PRKDC: variants seen among roughly 807,000 people sequenced by gnomAD.
The protein encoded by PRKDC is DNA-dependent protein kinase catalytic subunit.
PRKDC carries 82 observed loss-of-function variants against 486.9 expected under a neutral mutation model. The ratio of observed to expected loss-of-function variants is 0.17; its 90% CI spans 0.14 to 0.20. The LOEUF (loss-of-function observed/expected upper bound fraction) is 0.20, where lower values mean the gene tolerates loss of function less well. PRKDC is among the 10% of genes least tolerant of loss of function. PRKDC has a pLI of 1.00. For missense variants in PRKDC, 4,504 were observed against 5,038.2 expected (o/e 0.89, Z 3.21); for synonymous variants, 1,895 against 1,837.0 (o/e 1.03, Z -0.81).
At chr8:47,898,238 T>C (rs756114424) in intron 29 of PRKDC, among the ~76,000 whole-genome samples, 14 of 152,248 alleles carry the variant, frequency 9.2e-5, no homozygotes, top group Admixed American at 1.3e-4. Flanking sequence ...TCAATTTGTA[T>C]GTACTATCTC....
At position 47,828,348 on chromosome 8, in the gene PRKDC, CTG is replaced by C. The variant is rs2087784982; in HGVS notation, c.8398-3_8398-2del. The stretch of plus-strand genomic sequence containing the variant: ...GCTGTTTTGCAATTATTGGGTCCCT[CTG>C]TAAAAAATTCAAAACAAAGACAAAT... On this transcript the variant is annotated splice_acceptor_variant and splice_polypyrimidine_tract_variant and intron_variant, in intron 61 of 85. Coordinates refer to ENST00000314191, the MANE Select transcript of PRKDC (RefSeq NM_006904.7). LOFTEE classifies it high-confidence loss of function. The C allele has an allele frequency of 1.3e-6, 2 of 1,543,834 alleles. No individual in the cohort carries two copies. Among genetic ancestry groups the C allele is most frequent in the African/African-American group, 1.4e-5 (1 of 71,960 alleles).
chr8:47,803,493 A>G lies in PRKDC; in HGVS notation c.9748-13T>C. ...GTGAGAAATTGTTCTGTATGAATAC[A>G]ATAAAAAGAGAGAAGGTGGTATGAT... On this transcript the variant is annotated splice_polypyrimidine_tract_variant and intron_variant, in intron 69 of 85. Coordinates refer to ENST00000314191, the MANE Select transcript of PRKDC (RefSeq NM_006904.7). 1 of 1,613,084 alleles carries G rather than the reference A, an allele frequency of 6.2e-7. No homozygotes were observed. Among genetic ancestry groups the G allele is most frequent in the African/African-American group, 1.3e-5 (1 of 75,042 alleles).
At position 47,886,091 on chromosome 8, in the gene PRKDC, C is replaced by T. The variant is rs1266869627; in HGVS notation, c.4629G>A (p.Leu1543=). The part of the protein sequence containing the change: ...LNPAVLSTAS[L]GSSQGSVIHF... ...GGATGACGCTGCCCTGTGAGCTGCC[C>T]AAGGACGCCGTGGACAGCACCGCTG... is the stretch of plus-strand genomic sequence containing the variant. The change falls in exon 36 of 86, where the codon TTG becomes TTA. Residue 1543 remains leucine (L), a synonymous_variant. Transcript: ENST00000314191. 18 of 1,613,536 alleles carry T rather than the reference C, an allele frequency of 1.1e-5. No homozygotes were observed. The highest frequency in any genetic ancestry group is 1.5e-5 in the Non-Finnish European group (18 of 1,179,876).
In PRKDC at chr8:47,921,767, A is replaced by T. The variant is rs190739541; in HGVS notation, c.2420-3384T>A. Among the ~76,000 whole-genome samples, 6 of 152,286 alleles carry T rather than the reference A, an allele frequency of 3.9e-5. No homozygotes were observed. The East Asian group carries it at 1.2e-3, about 29-fold the overall frequency. ...GGCTATATTAGAAGAATAGTACAGA[A>T]ATACAATTGCATGCATGCTTTTGAT... is the stretch of plus-strand genomic sequence containing the variant. On this transcript the variant is annotated intron_variant, in intron 21 of 85. Transcript: ENST00000314191.
chr8:47,803,182 C>G, intron 70 of PRKDC, 124 bp downstream of exon 70: 1 of 959,520 alleles, frequency 1.0e-6, no homozygotes, highest in Non-Finnish European at 1.5e-6. Context: ...TGCTATATTC[C>G]CTGAAATTAC....
At position 47,899,983 on chromosome 8, in the gene PRKDC, C is replaced by T. The variant is rs145956874; in HGVS notation, c.3364+390G>A. The stretch of plus-strand genomic sequence containing the variant: ...CCACTTTCTACTTTCTAAATGATCA[C>T]GAGTGAGTGCAGAGGCACTGACCAC... On this transcript the variant is annotated intron_variant, in intron 28 of 85. Transcript: ENST00000314191. Among the ~76,000 whole-genome samples, 28 of 152,302 alleles carry T rather than the reference C, an allele frequency of 1.8e-4. 3 individuals are homozygous for T. Among genetic ancestry groups the T allele is most frequent in the African/African-American group, 6.5e-4 (27 of 41,578 alleles).
In PRKDC at chr8:47,900,474, A is replaced by G. The variant is rs1313592173; in HGVS notation, c.3270-7T>C. The stretch of plus-strand genomic sequence containing the variant: ...CACCAGAGACTCTTCTTCCCTGTAA[A>G]ATAAAGAATAGGAAACCTCACCTAA... On this transcript the variant is annotated splice_region_variant and splice_polypyrimidine_tract_variant and intron_variant, in intron 27 of 85. Transcript: ENST00000314191. 6.3e-7 allele frequency: 1 copy of G among 1,594,438 alleles called. No individual in the cohort carries two copies. The highest frequency in any genetic ancestry group is 1.1e-5 in the South Asian group (1 of 87,844).
In PRKDC at chr8:47,778,607, G is replaced by C. The variant is rs2086646574; in HGVS notation, c.11705C>G (p.Ser3902Cys). The C allele has an allele frequency of 2.5e-6, 4 of 1,613,676 alleles. No individual in the cohort carries two copies. Among genetic ancestry groups the C allele is most frequent in the Non-Finnish European group, 3.4e-6 (4 of 1,179,806 alleles). Residue 3902 changes from serine (S) to cysteine (C), a missense_variant, in exon 83 of 86, where the codon TCC (serine) becomes TGC (cysteine). Coordinates refer to ENST00000314191, the MANE Select transcript of PRKDC (RefSeq NM_006904.7). ...TSPEAFLALR[S>C]HFASSHALIC... ...CAGAGCGTGAGAGCTGGCGAAGTGG[G>C]AGCGGAGCGCCAGGAAAGCCTCAGG...
intron 4 of PRKDC, among the ~76,000 whole-genome samples, chr8:47,954,997 T>C (rs1377237580): frequency 6.6e-6 from 1 of 150,592 alleles, no homozygotes; most frequent in Admixed American, 6.6e-5. Context: ...CTACTAAAAA[T>C]ACAAAAATTA....
At chr8:47,927,988 C>T in intron 19 of PRKDC, 98 bp from the exon 20 acceptor site, 1 of 1,156,968 alleles carries the variant, frequency 8.6e-7, no homozygotes, top group Non-Finnish European at 1.1e-6. Context: ...CAAAAATTGG[C>T]ACGTAGCCTT....
At chr8:47,905,076 T>G (rs1589781412) in intron 25 of PRKDC, 100 bp from the exon 26 acceptor site, 2 of 813,198 alleles carry the variant, frequency 2.5e-6, no homozygotes, top group East Asian at 5.1e-5. Context: ...TAAAATTAAG[T>G]AATACTACTA....
chr8:47,813,109 T>A (rs2087369719), intron 68 of PRKDC, among the ~76,000 whole-genome samples: 1 of 147,466 alleles, frequency 6.8e-6, no homozygotes, highest in Non-Finnish European at 1.5e-5. Context: ...ATTTATTTAT[T>A]TATTTATTTA....
At chr8:47,904,374 C>A (rs1471234229) in intron 26 of PRKDC, among the ~76,000 whole-genome samples, 1 of 152,206 alleles carries the variant, frequency 6.6e-6, no homozygotes, top group Non-Finnish European at 1.5e-5. Flanking sequence ...CATGCCTAAG[C>A]CACCTGGCGA....
chr8:47,910,735 GT>G (rs1338053752), intron 25 of PRKDC, among the ~76,000 whole-genome samples: 1 of 151,920 alleles, frequency 6.6e-6, no homozygotes, highest in Non-Finnish European at 1.5e-5. Flanking sequence ...GGGAAACGAC[GT>G]TTTTTTCAAT....
chr8:47,934,497 T>G (rs2090313338), intron 14 of PRKDC, among the ~76,000 whole-genome samples: 1 of 152,154 alleles, frequency 6.6e-6, no homozygotes, highest in Non-Finnish European at 1.5e-5. Flanking sequence ...ATCGTGCCAC[T>G]GCACTCCAGC....
At position 47,943,331 on chromosome 8, in the gene PRKDC, A is replaced by G; in HGVS notation, c.844T>C (p.Phe282Leu). 1 of 1,611,328 alleles carries G rather than the reference A, an allele frequency of 6.2e-7. No individual in the cohort carries two copies. The highest frequency in any genetic ancestry group is 8.5e-7 in the Non-Finnish European group (1 of 1,178,780). Residue 282 changes from phenylalanine (F) to leucine (L), a missense_variant, in exon 10 of 86, where the codon TTT (phenylalanine) becomes CTT (leucine). Physicochemically the swap from Phe to Leu is conservative, Grantham distance 22. This residue lies in a region of PRKDC where 1,969 missense variants were observed against 2,068.9 expected (regional missense o/e 0.95). Coordinates refer to ENST00000314191, the MANE Select transcript of PRKDC (RefSeq NM_006904.7). ...TAGTTGTCCAGAAGGCAGGTGCTAA[A>G]CTGAGATGCATGCAGGGCAAATAGG... The part of the protein sequence containing the change: ...LRLFALHASQ[F>L]STCLLDNYVS...
chr8:47,930,128 T>C, intron 17 of PRKDC, 116 bp from the exon 18 acceptor site: 2 of 868,140 alleles, frequency 2.3e-6, no homozygotes, highest in South Asian at 1.9e-5. Context: ...TTTTGAGGTA[T>C]CCTAAAATGT....
rs1482307481 is a variant in PRKDC at position 47,819,532 on chromosome 8, AAAG to A, written c.9337-25_9337-23del. The A allele has an allele frequency of 3.8e-6, 5 of 1,304,568 alleles. No individual in the cohort carries two copies. The African/African-American group carries it at 4.6e-5, about 12-fold the overall frequency. The allele number at this position is 1,304,568 out of a possible 1,614,324, so 80.8% of individuals were successfully genotyped here. A position where few individuals can be genotyped will look rare whatever the true frequency, so the allele number is the denominator to read the frequency against. On this transcript the variant is annotated intron_variant, in intron 66 of 85. Transcript: ENST00000314191. ...AATTCTTAAAAAAAAAAAAAAAAAA[AAAG>A]GGCATTTACAAATGCCATGTTATAA...
intron 80 of PRKDC, among the ~76,000 whole-genome samples, chr8:47,780,918 TAGAG>T (rs148350215): frequency 0.051 from 7,687 of 151,950 alleles, 650 homozygotes; most frequent in African/African-American, 0.17. Flanking sequence ...AGCCTGGTGA[TAGAG>T]AGAGACTCTG....
Sources: gnomAD v4.1 joint callset for allele counts (sites outside exome capture counted in the v4.1 genomes callset) on GRCh38, gnomAD v4.1.1 for gene constraint, gnomAD v4.1.1 regional missense constraint, MANE v1.5 for transcripts, NCBI Gene and HGNC (gene_info 2026-07-23, HGNC 2026-07-21) for gene names.